DPP10: variants seen among roughly 807,000 people sequenced by gnomAD.
The protein encoded by DPP10 is inactive dipeptidyl peptidase 10.
In DPP10, 33 loss-of-function variants were observed where a neutral mutation model predicts 120.9. The ratio of observed to expected loss-of-function variants is 0.27; its 90% CI spans 0.21 to 0.37. The LOEUF (loss-of-function observed/expected upper bound fraction) is 0.37. Ranked by LOEUF, DPP10 falls within the 10% of genes least tolerant of loss-of-function variation. The pLI, the probability that DPP10 is intolerant of heterozygous loss-of-function variation, is 1.00. For missense variants in DPP10, 816 were observed against 942.8 expected (o/e 0.87, Z 1.76); for synonymous variants, 337 against 326.1 (o/e 1.03, Z -0.36).
At chr2:115,384,458 GGAAGAAGAAGGAA>G (rs1167880158) in intron 3 of DPP10, among the ~76,000 whole-genome samples, 13 of 46,550 alleles carry the variant, frequency 2.8e-4, no homozygotes, top group East Asian at 2.6e-3. Context: ...AGAAGAAGAA[GGAAGAAGAAGGAA>G]GAAGAAGGAA....
chr2:115,480,234 C>G (rs1373015814), intron 3 of DPP10, among the ~76,000 whole-genome samples: 11 of 152,052 alleles, frequency 7.2e-5, no homozygotes, highest in Non-Finnish European at 5.9e-5. Context: ...GTTCAATTTT[C>G]TTTATGTAAA....
chr2:115,380,023 A>G (rs1192164977), intron 3 of DPP10, among the ~76,000 whole-genome samples: 2 of 152,080 alleles, frequency 1.3e-5, no homozygotes. Flanking sequence ...AAAAATATAT[A>G]TTCTGTTCAT....
At chr2:115,711,909 TG>T (rs2092326884) in intron 7 of DPP10, among the ~76,000 whole-genome samples, 1 of 121,918 alleles carries the variant, frequency 8.2e-6, no homozygotes, top group Non-Finnish European at 1.6e-5. Flanking sequence ...ACCTATAAAA[TG>T]GTCTGGTTTT....
At chr2:115,828,239 T>A (rs1225766281) in intron 21 of DPP10, among the ~76,000 whole-genome samples, 1 of 152,162 alleles carries the variant, frequency 6.6e-6, no homozygotes, top group Non-Finnish European at 1.5e-5. Context: ...GAATATGCCA[T>A]CATTCTTAAC....
At chr2:115,012,467 G>A (rs984472480) in intron 1 of DPP10, among the ~76,000 whole-genome samples, 5 of 152,194 alleles carry the variant, frequency 3.3e-5, no homozygotes. Flanking sequence ...GCAGGCGTTG[G>A]TATCCACAGC....
intron 1 of DPP10, among the ~76,000 whole-genome samples, chr2:114,587,753 A>G (rs1281037983): frequency 6.6e-6 from 1 of 152,232 alleles, no homozygotes; most frequent in Non-Finnish European, 1.5e-5. Flanking sequence ...ATTTAGAGAC[A>G]TAATTTTACA....
intron 1 of DPP10, among the ~76,000 whole-genome samples, chr2:114,489,046 TC>T (rs1175052153): frequency 2.6e-5 from 4 of 152,206 alleles, no homozygotes; most frequent in Non-Finnish European, 5.9e-5. Context: ...TGTGAATATT[TC>T]CATCGTATTT....
At chr2:115,588,120 G>C (rs905904359) in intron 5 of DPP10, among the ~76,000 whole-genome samples, 1 of 152,092 alleles carries the variant, frequency 6.6e-6, no homozygotes, top group African/African-American at 2.4e-5. Context: ...GGTGTATAAA[G>C]AAAATAAACT....
chr2:115,486,908 A>G (rs17362643), intron 3 of DPP10, among the ~76,000 whole-genome samples: 1,621 of 152,260 alleles, frequency 0.011, 14 homozygotes, highest in Non-Finnish European at 0.018. Context: ...TCTTTATCAC[A>G]GGAAGTACCA....
intron 1 of DPP10, among the ~76,000 whole-genome samples, chr2:114,589,885 A>G (rs1391814247): frequency 6.6e-6 from 1 of 152,014 alleles, no homozygotes; most frequent in Non-Finnish European, 1.5e-5. Flanking sequence ...TTGGAAATAC[A>G]GTCTTTGTTT....
intron 1 of DPP10, among the ~76,000 whole-genome samples, chr2:114,651,191 T>C (rs1696556868): frequency 6.6e-6 from 1 of 152,196 alleles, no homozygotes; most frequent in Admixed American, 6.5e-5. Context: ...TCCTACGAAC[T>C]AACATGCACT....
intron 1 of DPP10, among the ~76,000 whole-genome samples, chr2:114,740,947 G>A (rs1280078100): frequency 2.0e-5 from 3 of 152,256 alleles, no homozygotes; most frequent in East Asian, 3.9e-4. Flanking sequence ...AATCTGTTGA[G>A]AGTTCCAAAT....
chr2:115,733,117 A>G (rs1348539043), intron 8 of DPP10, among the ~76,000 whole-genome samples: 2 of 152,208 alleles, frequency 1.3e-5, no homozygotes, highest in African/African-American at 2.4e-5. Context: ...AAGAATGAAA[A>G]GGTGCGGAAA....
chr2:115,232,275 G>A (rs1207928217), intron 1 of DPP10, among the ~76,000 whole-genome samples: 1 of 151,758 alleles, frequency 6.6e-6, no homozygotes, highest in Non-Finnish European at 1.5e-5. Context: ...CTTGAGTTAA[G>A]CTTATAGTTA....
Position 115,692,164 on chromosome 2 carries a change from G to T in DPP10, c.576+2243G>T, listed in dbSNP as rs140762415. Among the ~76,000 whole-genome samples the T allele has an allele frequency of 4.1e-3, 620 of 151,332 alleles. 6 individuals carry two copies. The highest frequency in any genetic ancestry group is 7.0e-3 in the Non-Finnish European group (474 of 67,722). ...GGTTTTTTGTTTTTTGTTTTTGCTG[G>T]AATACTAAAAAATTGATTCTATTAT... On this transcript the variant is annotated intron_variant, in intron 7 of 25. Coordinates refer to ENST00000410059, the MANE Select transcript of DPP10 (RefSeq NM_020868.6).
At chr2:114,773,129 T>G (rs13423445) in intron 1 of DPP10, among the ~76,000 whole-genome samples, 8,806 of 152,258 alleles carry the variant, frequency 0.058, 581 homozygotes, top group African/African-American at 0.16. Context: ...GACTACATGC[T>G]GTGTTATTTC....
chr2:115,329,517 ATG>A (rs2062575420), intron 2 of DPP10, among the ~76,000 whole-genome samples: 1 of 152,020 alleles, frequency 6.6e-6, no homozygotes, highest in African/African-American at 2.4e-5. Context: ...TACATGTGCC[ATG>A]TTGGTGTGCT....
intron 1 of DPP10, chr2:115,162,161 A>G (rs2052437619): frequency 3.9e-6 from 6 of 1,541,052 alleles, no homozygotes; most frequent in Middle Eastern, 2.2e-4. Flanking sequence ...CCCCAGTTCC[A>G]GGCTCTCCTG....
chr2:115,218,590 T>C (rs951119039), intron 1 of DPP10, among the ~76,000 whole-genome samples: 2 of 152,172 alleles, frequency 1.3e-5, no homozygotes, highest in Admixed American at 1.3e-4. Flanking sequence ...TCCATTCCAG[T>C]TCATTGCATC....
Sources: gnomAD v4.1 joint callset for allele counts (sites outside exome capture counted in the v4.1 genomes callset) on GRCh38, gnomAD v4.1.1 for gene constraint, MANE v1.5 for transcripts, NCBI Gene and HGNC (gene_info 2026-07-23, HGNC 2026-07-21) for gene names.